STXBP4: variants seen among roughly 807,000 people sequenced by gnomAD.
STXBP4 encodes syntaxin-binding protein 4.
In STXBP4, 55 loss-of-function variants were observed where a neutral mutation model predicts 76.1. The observed-to-expected ratio is 0.72, with a 90% CI of 0.58 to 0.91. STXBP4 has a LOEUF of 0.91. Ranked by LOEUF, STXBP4 falls within the 40% of genes least tolerant of loss-of-function variation. The pLI, the probability that STXBP4 is intolerant of heterozygous loss-of-function variation, is 0.00. For synonymous variants in STXBP4, 201 were observed against 220.2 expected, an observed-to-expected ratio of 0.91 and a Z score of 0.77; for missense variants, 618 against 636.9, an observed-to-expected ratio of 0.97 and a Z score of 0.32.
chr17:55,173,425 G>A lies in STXBP4; in HGVS notation c.*13514G>A, dbSNP rs942565191. On this transcript the variant is annotated 3_prime_UTR_variant, in exon 18 of 18. Transcript: ENST00000376352. Reference sequence around the variant, plus strand: ...TATCATATAAATAATCATGTATTATGTAACATTCTGAGACAGGCTTCTTTC... The same window carrying A: ...TATCATATAAATAATCATGTATTATATAACATTCTGAGACAGGCTTCTTTC... 6.6e-6 allele frequency: 1 copy of A among 152,158 alleles called. No homozygotes were observed. Among genetic ancestry groups the A allele is most frequent in the African/African-American group, 2.4e-5 (1 of 41,424 alleles). The allele number at this position is 152,158 out of a possible 1,614,324, so 9.4% of individuals were successfully genotyped here. A position where few individuals can be genotyped will look rare whatever the true frequency, so the allele number is the denominator to read the frequency against.
chr17:55,088,024 A>G (rs976266733), intron 16 of STXBP4, among the ~76,000 whole-genome samples: 3 of 152,190 alleles, frequency 2.0e-5, no homozygotes, highest in African/African-American at 7.2e-5. Flanking sequence ...TAGCAAATCT[A>G]TGTTGTCCTT....
chr17:55,079,886 C>G (rs898651973), intron 15 of STXBP4, among the ~76,000 whole-genome samples: 2 of 152,076 alleles, frequency 1.3e-5, no homozygotes, highest in African/African-American at 4.8e-5. Flanking sequence ...ATTTATAATT[C>G]ACTTCTAAAC....
At chr17:55,021,142 G>A (rs972113897) in intron 8 of STXBP4, among the ~76,000 whole-genome samples, 1 of 152,060 alleles carries the variant, frequency 6.6e-6, no homozygotes, top group Non-Finnish European at 1.5e-5. Flanking sequence ...TGAGGTTCCA[G>A]CATTGTTTGG....
chr17:55,142,338 A>G (rs1389034490), intron 17 of STXBP4, among the ~76,000 whole-genome samples: 7 of 152,200 alleles, frequency 4.6e-5, no homozygotes, highest in Admixed American at 4.6e-4. Context: ...GTATCCTTTT[A>G]GCAAAGTATA....
chr17:55,209,057 G>A, the STXBP4 span, among the ~76,000 whole-genome samples: 1 of 152,112 alleles, frequency 6.6e-6, no homozygotes, highest in Non-Finnish European at 1.5e-5. Context: ...TCTCCAGCCT[G>A]TGCAACAGAG....
intron 16 of STXBP4, among the ~76,000 whole-genome samples, chr17:55,111,895 GGTTTGTTTGTTTGTTT>G (rs75921976): frequency 4.0e-5 from 6 of 149,822 alleles, no homozygotes; most frequent in Admixed American, 2.7e-4. Flanking sequence ...TTTTATTCAG[GGTTTGTTTGTTTGTTT>G]GTTTGTTTGT....
At chr17:55,207,829 C>A in the STXBP4 span, among the ~76,000 whole-genome samples, 1 of 152,094 alleles carries the variant, frequency 6.6e-6, no homozygotes, top group Non-Finnish European at 1.5e-5. Flanking sequence ...GTTTGTTGAG[C>A]GGAACAAGAT....
chr17:55,103,642 A>G (rs191133468), intron 16 of STXBP4, among the ~76,000 whole-genome samples: 1 of 149,062 alleles, frequency 6.7e-6, no homozygotes, highest in Non-Finnish European at 1.5e-5. Flanking sequence ...TATGAAATTT[A>G]AAGTAGTTTT....
intron 7 of STXBP4, among the ~76,000 whole-genome samples, chr17:55,001,241 C>T (rs1054571438): frequency 1.5e-4 from 23 of 152,042 alleles, no homozygotes; most frequent in African/African-American, 4.6e-4. Flanking sequence ...ATACACCTTT[C>T]GGAAAACACA....
rs1360434992 is a variant in STXBP4 at position 55,171,785 on chromosome 17, C to T, written c.*11874C>T. 1 of 152,402 alleles carries T rather than the reference C, an allele frequency of 6.6e-6. No homozygotes were observed. The highest frequency in any genetic ancestry group is 1.9e-4 in the East Asian group (1 of 5,176). The allele number at this position is 152,402 out of a possible 1,614,324, so 9.4% of individuals were successfully genotyped here. A position where few individuals can be genotyped will look rare whatever the true frequency, so the allele number is the denominator to read the frequency against. ...GAATGGAACCCTCCCTCCCCCGCCC[C>T]TGGGGCCTTCAGAGGGAGCGGTGCC... On this transcript the variant is annotated 3_prime_UTR_variant, in exon 18 of 18. Transcript: ENST00000376352.
intron 12 of STXBP4, among the ~76,000 whole-genome samples, chr17:55,048,844 G>C (rs1391711502): frequency 6.6e-6 from 1 of 151,834 alleles, no homozygotes; most frequent in African/African-American, 2.4e-5. Context: ...TAACTGAACA[G>C]CCTAATACTT....
intron 1 of STXBP4, among the ~76,000 whole-genome samples, chr17:54,972,845 C>T (rs1446006224): frequency 6.6e-6 from 1 of 152,174 alleles, no homozygotes; most frequent in African/African-American, 2.4e-5. Flanking sequence ...AGTGTATGTA[C>T]TTACTTGCTC....
At chr17:55,093,115 T>G (rs1340602808) in intron 16 of STXBP4, among the ~76,000 whole-genome samples, 1 of 151,916 alleles carries the variant, frequency 6.6e-6, no homozygotes, top group Non-Finnish European at 1.5e-5. Context: ...GTGCCTCAGC[T>G]TCCCAAGTAG....
chr17:55,071,884 A>G (rs950263461), intron 12 of STXBP4, among the ~76,000 whole-genome samples: 1 of 152,184 alleles, frequency 6.6e-6, no homozygotes, highest in Non-Finnish European at 1.5e-5. Flanking sequence ...TATCGCAGAG[A>G]AAAGAGATTT....
intron 7 of STXBP4, among the ~76,000 whole-genome samples, chr17:55,004,016 A>G (rs977714940): frequency 3.3e-5 from 5 of 151,714 alleles, no homozygotes; most frequent in Non-Finnish European, 5.9e-5. Context: ...TACTAAAAAT[A>G]GAAAAAAAAA....
At chr17:55,069,298 T>G (rs1247568139) in intron 12 of STXBP4, among the ~76,000 whole-genome samples, 5 of 152,142 alleles carry the variant, frequency 3.3e-5, no homozygotes, top group Non-Finnish European at 7.4e-5. Context: ...CATTTTTCTT[T>G]TATTATCTAA....
chr17:54,973,884 G>C (rs554126346), intron 1 of STXBP4, among the ~76,000 whole-genome samples: 2 of 152,118 alleles, frequency 1.3e-5, no homozygotes, highest in Admixed American at 6.5e-5. Flanking sequence ...GTTAAACCTT[G>C]TAAACTCTTT....
At position 55,081,108 on chromosome 17, in the gene STXBP4, C is replaced by T. The variant is rs199941077; in HGVS notation, c.1414C>T (p.Arg472Cys). Reference sequence around the variant, plus strand: ...CCTCACACCACTGGGAAGGAATGGACGTAGCATCCCAGCAACGCTGGCGCT... The same window carrying T: ...CCTCACACCACTGGGAAGGAATGGATGTAGCATCCCAGCAACGCTGGCGCT... ...TSLTPLGRNG[R>C]SIPATLALES... The change falls in exon 16 of 18, where the codon CGT becomes TGT. Residue 472 changes from arginine to cysteine, a missense_variant. Transcript: ENST00000376352. 27 of 1,558,110 alleles carry T rather than the reference C, an allele frequency of 1.7e-5. No homozygotes were observed. Among genetic ancestry groups the T allele is most frequent in the African/African-American group, 9.8e-5 (7 of 71,412 alleles).
intron 8 of STXBP4, among the ~76,000 whole-genome samples, chr17:55,011,720 C>G (rs1024410173): frequency 6.6e-6 from 1 of 152,034 alleles, no homozygotes; most frequent in African/African-American, 2.4e-5. Flanking sequence ...TCTTTACTAC[C>G]TGATTCGTCG....
Sources: gnomAD v4.1 joint callset for allele counts (sites outside exome capture counted in the v4.1 genomes callset) on GRCh38, gnomAD v4.1.1 for gene constraint, MANE v1.5 for transcripts, NCBI Gene and HGNC (gene_info 2026-07-23, HGNC 2026-07-21) for gene names.